ACTR3C: variants seen among roughly 807,000 people sequenced by gnomAD.
The protein encoded by ACTR3C is actin related protein 3C.
ACTR3C carries 18 observed loss-of-function variants against 26.3 expected under a neutral mutation model. The observed-to-expected ratio is 0.68, with a 90% CI of 0.47 to 1.01. The LOEUF (loss-of-function observed/expected upper bound fraction) is 1.01. ACTR3C is among the 50% of genes least tolerant of loss of function. ACTR3C has a pLI of 0.00. For synonymous variants in ACTR3C, 55 were observed against 94.5 expected, an observed-to-expected ratio of 0.58 and a Z score of 2.42; for missense variants, 184 against 250.7, an observed-to-expected ratio of 0.73 and a Z score of 1.80.
At chr7:149,956,029 G>A in the ACTR3C span, among the ~76,000 whole-genome samples, 1 of 152,132 alleles carries the variant, frequency 6.6e-6, no homozygotes, top group Non-Finnish European at 1.5e-5. Flanking sequence ...TGAGCTGCAA[G>A]CATTTTATTT....
chr7:150,208,016 A>G, the ACTR3C span, among the ~76,000 whole-genome samples: 1 of 152,228 alleles, frequency 6.6e-6, no homozygotes, highest in African/African-American at 2.4e-5. Flanking sequence ...TGCCCGAAAC[A>G]AATAAATCTT....
chr7:150,002,639 A>C, the ACTR3C span: 4 of 152,232 alleles, frequency 2.6e-5, no homozygotes, highest in Non-Finnish European at 4.4e-5. Context: ...CGAATGGCCC[A>C]TTCCTCAAGG....
chr7:149,915,915 T>C, the ACTR3C span, among the ~76,000 whole-genome samples: 2 of 151,028 alleles, frequency 1.3e-5, no homozygotes, highest in African/African-American at 2.5e-5. Flanking sequence ...TTATATTACA[T>C]CCATTCAATA....
At chr7:150,146,643 G>A in the ACTR3C span, among the ~76,000 whole-genome samples, 1 of 152,036 alleles carries the variant, frequency 6.6e-6, no homozygotes, top group African/African-American at 2.4e-5. Context: ...GCAGAAGTAT[G>A]TGCCAGGTTC....
At chr7:149,944,721 TTC>T in the ACTR3C span, among the ~76,000 whole-genome samples, 4 of 151,722 alleles carry the variant, frequency 2.6e-5, no homozygotes, top group African/African-American at 9.7e-5. Flanking sequence ...CCCCACTGCT[TTC>T]TCTGTCACTG....
chr7:150,119,522 A>G, the ACTR3C span, among the ~76,000 whole-genome samples: 1 of 152,250 alleles, frequency 6.6e-6, no homozygotes, highest in Admixed American at 6.5e-5. Context: ...TCAATGCAAC[A>G]AGAAGAGCTA....
the ACTR3C span, among the ~76,000 whole-genome samples, chr7:149,983,392 T>A: frequency 7.3e-6 from 1 of 136,426 alleles, no homozygotes; most frequent in African/African-American, 2.9e-5. Context: ...CCTATTAGGA[T>A]TGCTATTATA....
At chr7:150,012,753 TTTG>T in the ACTR3C span, among the ~76,000 whole-genome samples, 1 of 150,444 alleles carries the variant, frequency 6.6e-6, no homozygotes, top group Non-Finnish European at 1.5e-5. Context: ...AGATCATCAA[TTTG>T]TTGTTAGGTT....
At chr7:150,085,666 G>A in the ACTR3C span, among the ~76,000 whole-genome samples, 81,603 of 151,648 alleles carry the variant, frequency 0.54, 23,044 homozygotes, top group East Asian at 0.73. Context: ...CAAGTGCCTG[G>A]ATGAAAAATT....
chr7:149,967,998 C>A, the ACTR3C span, among the ~76,000 whole-genome samples: 1 of 152,174 alleles, frequency 6.6e-6, no homozygotes, highest in African/African-American at 2.4e-5. Flanking sequence ...CTTTTCTGCC[C>A]AGGACGGCAT....
At chr7:150,025,229 C>G in the ACTR3C span, among the ~76,000 whole-genome samples, 2 of 150,908 alleles carry the variant, frequency 1.3e-5, no homozygotes, top group African/African-American at 4.9e-5. Flanking sequence ...TTTTCCTCCC[C>G]AAGCCTCATT....
chr7:150,184,797 C>T, the ACTR3C span, among the ~76,000 whole-genome samples: 1 of 147,654 alleles, frequency 6.8e-6, no homozygotes, highest in Non-Finnish European at 1.5e-5. Context: ...CCCACCAGTG[C>T]ATTCCTTCAT....
the ACTR3C span, among the ~76,000 whole-genome samples, chr7:150,014,538 C>T: frequency 5.3e-5 from 8 of 152,104 alleles, no homozygotes; most frequent in African/African-American, 1.7e-4. Context: ...CTTTAATACT[C>T]CTCAAGGCTT....
chr7:149,985,059 G>A, the ACTR3C span, among the ~76,000 whole-genome samples: 2 of 152,058 alleles, frequency 1.3e-5, no homozygotes, highest in Non-Finnish European at 2.9e-5. Context: ...TCCAATCTAA[G>A]AGTTAGTCAT....
At chr7:150,125,604 T>G in the ACTR3C span, among the ~76,000 whole-genome samples, 1 of 152,174 alleles carries the variant, frequency 6.6e-6, no homozygotes, top group Non-Finnish European at 1.5e-5. Context: ...TTTTTGCATT[T>G]GATATTTCTT....
the ACTR3C span, among the ~76,000 whole-genome samples, chr7:150,165,660 GGAGTGGC>G: frequency 0.035 from 5,268 of 152,252 alleles, 153 homozygotes; most frequent in East Asian, 0.19. Context: ...CAGAGCAGCT[GGAGTGGC>G]CCCCTTTCCT....
chr7:150,049,608 G>C, the ACTR3C span, among the ~76,000 whole-genome samples: 1 of 152,298 alleles, frequency 6.6e-6, no homozygotes. Flanking sequence ...ATTGCCCCAA[G>C]CCCAGAGAGA....
the ACTR3C span, chr7:149,881,531 A>G: frequency 6.5e-6 from 1 of 152,766 alleles, no homozygotes; most frequent in Non-Finnish European, 1.5e-5. Flanking sequence ...TTTCCTGGTG[A>G]GTCGTGTGTG....
the ACTR3C span, among the ~76,000 whole-genome samples, chr7:150,091,735 C>G: frequency 2.0e-5 from 3 of 146,386 alleles, no homozygotes; most frequent in South Asian, 4.4e-4. Flanking sequence ...GTAATCCCAG[C>G]ACTTTGGGAG....
Sources: allele counts gnomAD v4.1 joint callset (sites outside exome capture counted in the v4.1 genomes callset), GRCh38; gene constraint gnomAD v4.1.1; transcripts MANE v1.5; gene names NCBI Gene and HGNC (gene_info 2026-07-23, HGNC 2026-07-21).